Variants in ZNF654 observed in about 807,000 individuals in gnomAD.
The protein encoded by ZNF654 is zinc finger protein 654.
A neutral mutation model predicts 95.3 loss-of-function variants in ZNF654; 19 were observed. The observed-to-expected ratio is 0.20, with a 90% confidence interval of 0.14 to 0.29. ZNF654 has a LOEUF of 0.29. Among genes scored for constraint, ZNF654 ranks in the 10% least tolerant of loss-of-function variants. ZNF654 has a pLI of 1.00. For synonymous variants in ZNF654, 413 were observed against 457.9 expected (o/e 0.90, Z 1.25); for missense variants, 1,046 against 1,341.0 (o/e 0.78, Z 3.44).
At chr3:88,092,265 G>A (rs1703786783) in intron 2 of ZNF654, among the ~76,000 whole-genome samples, 1 of 152,002 alleles carries the variant, frequency 6.6e-6, no homozygotes, top group Non-Finnish European at 1.5e-5. Flanking sequence ...TAATTATTTG[G>A]TCATTTATTC....
intron 1 of ZNF654, among the ~76,000 whole-genome samples, chr3:88,083,019 C>T (rs1465438301): frequency 1.3e-5 from 2 of 151,460 alleles, no homozygotes; most frequent in Non-Finnish European, 2.9e-5. Flanking sequence ...CCTTTTCCTC[C>T]CTCCCCCTCC....
chr3:88,119,569 T>G (rs1002410277), intron 3 of ZNF654, among the ~76,000 whole-genome samples: 1 of 151,676 alleles, frequency 6.6e-6, no homozygotes, highest in African/African-American at 2.4e-5. Context: ...AAAACAATAA[T>G]TATTGGAGAC....
In ZNF654 at chr3:88,110,079, A is replaced by G. The variant is rs568268760; in HGVS notation, c.333-3036A>G. Among the ~76,000 whole-genome samples the G allele has an allele frequency of 1.2e-4, 18 of 152,278 alleles. 1 individual carries two copies. The South Asian group carries it at 3.7e-3, about 32-fold the overall frequency. ...AGAAAATCTGGATGGTGACATGTTA[A>G]TAAATAATGGTTGTACTATGTTATT... is the stretch of plus-strand genomic sequence containing the variant. On this transcript the variant is annotated intron_variant, in intron 2 of 8. Coordinates refer to ENST00000636215, the MANE Select transcript of ZNF654 (RefSeq NM_001350134.2).
At chr3:88,116,697 A>T (rs1274604580) in intron 3 of ZNF654, among the ~76,000 whole-genome samples, 4 of 151,952 alleles carry the variant, frequency 2.6e-5, no homozygotes, top group Admixed American at 1.3e-4. Flanking sequence ...TATGATCCAA[A>T]CTAAATGCAG....
In ZNF654 at chr3:88,140,325, T is replaced by C; in HGVS notation, c.2656T>C (p.Trp886Arg). 4 of 1,613,694 alleles carry C rather than the reference T, an allele frequency of 2.5e-6. No homozygotes were observed. The highest frequency in any genetic ancestry group is 3.4e-6 in the Non-Finnish European group (4 of 1,179,754). Residue 886 changes from tryptophan (W) to arginine (R), a missense_variant, in exon 8 of 9, where the codon TGG becomes CGG. Physicochemically the swap from Trp to Arg is moderately radical, Grantham distance 101. Coordinates refer to ENST00000636215, the MANE Select transcript of ZNF654 (RefSeq NM_001350134.2). Reference protein sequence around the residue: ...SSAQPSETILWDVQTDSNPNQ... With the variant: ...SSAQPSETILRDVQTDSNPNQ... ...TGCACAACCAAGTGAAACAATTCTT[T>C]GGGATGTTCAGACAGACTCAAATCC...
intron 1 of ZNF654, among the ~76,000 whole-genome samples, chr3:88,079,703 G>C (rs1412076742): frequency 6.6e-6 from 1 of 151,942 alleles, no homozygotes; most frequent in Non-Finnish European, 1.5e-5. Flanking sequence ...TGATTGTATG[G>C]AATATTAATA....
In ZNF654 at chr3:88,140,239, A is replaced by G; in HGVS notation, c.2570A>G (p.Asp857Gly). ...CCAGAATGCCATGAGCTTTTTGAAG[A>G]TCTTCCTCTGCTGTATGAACATGAA... ...SFPECHELFE[D>G]LPLLYEHEAQ... The change falls in exon 8 of 9, where the codon GAT (aspartate) becomes GGT (glycine). Residue 857 changes from aspartate (D) to glycine (G), a missense_variant. Asp to Gly is a moderately conservative substitution (Grantham distance 94). This residue lies in a region of ZNF654 where 495 missense variants were observed against 537.0 expected (regional missense o/e 0.92). Transcript: ENST00000636215. 6.2e-7 allele frequency: 1 copy of G among 1,613,870 alleles called. No individual in the cohort carries two copies. The highest frequency in any genetic ancestry group is 8.5e-7 in the Non-Finnish European group (1 of 1,179,802).
At chr3:88,123,553 A>G (rs1705910007) in intron 3 of ZNF654, among the ~76,000 whole-genome samples, 1 of 152,174 alleles carries the variant, frequency 6.6e-6, no homozygotes, top group Admixed American at 6.5e-5. Flanking sequence ...GCTTTCCCCT[A>G]GAAATTCTGA....
chr3:88,065,697 T>C (rs1190214661), intron 1 of ZNF654, among the ~76,000 whole-genome samples: 1 of 152,214 alleles, frequency 6.6e-6, no homozygotes, highest in Non-Finnish European at 1.5e-5. Flanking sequence ...AAATTTCATT[T>C]TCTTTTCCTA....
intron 4 of ZNF654, among the ~76,000 whole-genome samples, chr3:88,127,877 T>G (rs1361927171): frequency 1.3e-5 from 2 of 152,218 alleles, no homozygotes; most frequent in Non-Finnish European, 2.9e-5. Flanking sequence ...CAGAGTGAAG[T>G]TATCTTTGCA....
chr3:88,139,720 A>C lies in ZNF654; in HGVS notation c.2051A>C (p.Asn684Thr). 1 of 1,563,038 alleles carries C rather than the reference A, an allele frequency of 6.4e-7. No individual in the cohort carries two copies. Among genetic ancestry groups the C allele is most frequent in the Non-Finnish European group, 8.7e-7 (1 of 1,152,630 alleles). Reference protein sequence around the residue: ...ENVIENGSPNNSLNNVFKPLT... With the variant: ...ENVIENGSPNTSLNNVFKPLT... ...GTTATTGAAAATGGCAGTCCTAATA[A>C]TTCTTTAAATAATGTTTTCAAGCCT... is the stretch of plus-strand genomic sequence containing the variant. Residue 684 changes from asparagine (N) to threonine (T), a missense_variant, in exon 8 of 9, where the codon AAT becomes ACT. This residue lies in a region of ZNF654 where 495 missense variants were observed against 537.0 expected (regional missense o/e 0.92). Transcript: ENST00000636215.
chr3:88,126,871 G>A (rs906430433), intron 4 of ZNF654, among the ~76,000 whole-genome samples: 3 of 152,106 alleles, frequency 2.0e-5, no homozygotes, highest in African/African-American at 7.2e-5. Flanking sequence ...TCATGCATTA[G>A]AAGTTTTGTC....
At chr3:88,101,045 C>T (rs1415748968) in intron 2 of ZNF654, among the ~76,000 whole-genome samples, 3 of 152,160 alleles carry the variant, frequency 2.0e-5, no homozygotes, top group African/African-American at 7.2e-5. Context: ...CAACAGTTAT[C>T]AGTATATTGT....
rs752298751 is a variant in ZNF654, at chr3:88,140,059, A to G, written c.2390A>G (p.Glu797Gly). The change falls in exon 8 of 9, where the codon GAA becomes GGA. Residue 797 changes from glutamate (E) to glycine (G), a missense_variant. This residue lies in a region of ZNF654 where 495 missense variants were observed against 537.0 expected (regional missense o/e 0.92). Coordinates refer to ENST00000636215, the MANE Select transcript of ZNF654 (RefSeq NM_001350134.2). Reference protein sequence around the residue: ...GKCKFCQRQFEDSQHFIDHLN... With the variant: ...GKCKFCQRQFGDSQHFIDHLN... ...TGCAAATTTTGTCAAAGGCAATTTG[A>G]AGATTCTCAACATTTTATAGACCAC... 1.2e-5 allele frequency: 19 copies of G among 1,613,678 alleles called. No individual in the cohort carries two copies. Among genetic ancestry groups the G allele is most frequent in the Non-Finnish European group, 1.6e-5 (19 of 1,179,772 alleles).
chr3:88,114,287 TAAAG>T (rs977742014), intron 3 of ZNF654, among the ~76,000 whole-genome samples: 69 of 152,102 alleles, frequency 4.5e-4, no homozygotes, highest in African/African-American at 1.7e-3. Context: ...AATGGGGAGG[TAAAG>T]AAATACCTCA....
chr3:88,089,364 G>A lies in ZNF654; in HGVS notation c.332+2962G>A, dbSNP rs138086929. 5.7e-3 allele frequency among the ~76,000 whole-genome samples: 860 copies of A among 151,782 alleles called. 5 individuals carry two copies. Among genetic ancestry groups the A allele is most frequent in the African/African-American group, 0.017 (697 of 41,434 alleles). The stretch of plus-strand genomic sequence containing the variant: ...AAATTAGCCAGGCGTGGTGGCAAGC[G>A]CCTGTAATCCCAGCTACTTGGGAGG... On this transcript the variant is annotated intron_variant, in intron 2 of 8. Coordinates refer to ENST00000636215, the MANE Select transcript of ZNF654 (RefSeq NM_001350134.2).
chr3:88,105,236 A>G (rs1299911506), intron 2 of ZNF654, among the ~76,000 whole-genome samples: 1 of 152,088 alleles, frequency 6.6e-6, no homozygotes, highest in African/African-American at 2.4e-5. Context: ...AACAAATAAC[A>G]TATCCATGCC....
rs1352586776 is a variant in ZNF654 at position 88,139,519 on chromosome 3, A to C, written c.1850A>C (p.Glu617Ala). The C allele has an allele frequency of 6.2e-7, 1 of 1,613,472 alleles. No individual in the cohort carries two copies. Among genetic ancestry groups the C allele is most frequent in the South Asian group, 1.1e-5 (1 of 90,952 alleles). Residue 617 changes from glutamate to alanine, a missense_variant, in exon 8 of 9, where the codon GAA becomes GCA. Around this residue, in one of 9 missense-constraint regions of ZNF654, gnomAD observed 495 missense variants for 537.0 expected, o/e 0.92. Transcript: ENST00000636215. ...GATGATCAGGAAGTCACTGCTTTGG[A>C]AGAAATAAATTGTTCTAGTTCTTCC... ...QQDDQEVTAL[E>A]EINCSSSSIS...
chr3:88,132,763 A>G (rs1278995872), intron 6 of ZNF654, among the ~76,000 whole-genome samples: 2 of 152,236 alleles, frequency 1.3e-5, no homozygotes, highest in Non-Finnish European at 2.9e-5. Context: ...TTCTTTTAAT[A>G]AAGATGCTGA....
Sources: gnomAD v4.1 joint callset for allele counts (sites outside exome capture counted in the v4.1 genomes callset) on GRCh38, gnomAD v4.1.1 for gene constraint, gnomAD v4.1.1 regional missense constraint, MANE v1.5 for transcripts, NCBI Gene and HGNC (gene_info 2026-07-23, HGNC 2026-07-21) for gene names.